The following RNGTT variants were observed in gnomAD, a reference collection of about 807,000 sequenced individuals.
RNGTT encodes RNA guanylyltransferase and 5'-phosphatase.
A neutral mutation model predicts 79.3 loss-of-function variants in RNGTT; 33 were observed. The ratio of observed to expected loss-of-function variants is 0.42; its 90% confidence interval spans 0.32 to 0.56. The LOEUF is 0.56. Ranked by LOEUF, RNGTT falls within the 20% of genes least tolerant of loss-of-function variation. The pLI is 0.17. For missense variants in RNGTT, 497 were observed against 739.1 expected (o/e 0.67, Z 3.80); for synonymous variants, 222 against 235.9 (o/e 0.94, Z 0.54).
At chr6:88,801,765 G>A (rs1779791393) in intron 11 of RNGTT, 133 bp from the exon 12 acceptor site, 9 of 441,676 alleles carry the variant, frequency 2.0e-5, no homozygotes, top group African/African-American at 2.1e-5. Flanking sequence ...TAAGAGAAAG[G>A]GATAGGTCTA....
chr6:88,886,091 G>A (rs749916007), intron 8 of RNGTT, among the ~76,000 whole-genome samples: 67 of 152,268 alleles, frequency 4.4e-4, no homozygotes, highest in Non-Finnish European at 5.4e-4. Flanking sequence ...GGATCACGAC[G>A]TCAGGAGATC....
chr6:88,898,803 T>C (rs761280197), intron 6 of RNGTT, among the ~76,000 whole-genome samples: 9 of 150,728 alleles, frequency 6.0e-5, no homozygotes, highest in Non-Finnish European at 7.4e-5. Context: ...GGCTTGGGAA[T>C]GAAGAAATAT....
intron 8 of RNGTT, among the ~76,000 whole-genome samples, chr6:88,877,661 A>C (rs1782559841): frequency 6.6e-6 from 1 of 152,152 alleles, no homozygotes; most frequent in African/African-American, 2.4e-5. Context: ...ATATAGGGGG[A>C]CTTAAAGAAA....
intron 11 of RNGTT, among the ~76,000 whole-genome samples, chr6:88,813,593 T>C (rs1313971366): frequency 2.6e-5 from 4 of 152,196 alleles, no homozygotes; most frequent in Admixed American, 6.5e-5. Context: ...AATTACCATA[T>C]ACAGTAGGGA....
intron 4 of RNGTT, among the ~76,000 whole-genome samples, chr6:88,919,664 TA>T (rs1232828006): frequency 6.8e-6 from 1 of 147,830 alleles, no homozygotes; most frequent in Non-Finnish European, 1.5e-5. Flanking sequence ...TTTTTAATGC[TA>T]AAAATCCTAA....
chr6:88,736,652 G>A (rs1777296655), intron 13 of RNGTT, among the ~76,000 whole-genome samples: 1 of 152,202 alleles, frequency 6.6e-6, no homozygotes, highest in Non-Finnish European at 1.5e-5. Flanking sequence ...AATTCTGTCT[G>A]TTCATATTTC....
At chr6:88,804,246 A>G (rs967004752) in intron 11 of RNGTT, among the ~76,000 whole-genome samples, 10 of 152,230 alleles carry the variant, frequency 6.6e-5, no homozygotes, top group Admixed American at 3.3e-4. Flanking sequence ...ACTTTAACTA[A>G]AAATAAAGAG....
chr6:88,895,611 C>T (rs1783218993), intron 6 of RNGTT, among the ~76,000 whole-genome samples: 1 of 152,086 alleles, frequency 6.6e-6, no homozygotes, highest in Non-Finnish European at 1.5e-5. Context: ...AAAATAAAGT[C>T]TCAAACCAAA....
intron 11 of RNGTT, among the ~76,000 whole-genome samples, chr6:88,819,321 T>C (rs1211515081): frequency 1.3e-5 from 2 of 151,810 alleles, no homozygotes; most frequent in Non-Finnish European, 2.9e-5. Flanking sequence ...CACTCACAGA[T>C]ACAGTAACAG....
At chr6:88,926,685 C>G (rs1784329256) in intron 4 of RNGTT, among the ~76,000 whole-genome samples, 1 of 152,078 alleles carries the variant, frequency 6.6e-6, no homozygotes, top group African/African-American at 2.4e-5. Flanking sequence ...GGATATAATC[C>G]ACACTCTAGC....
intron 13 of RNGTT, among the ~76,000 whole-genome samples, chr6:88,717,006 A>G (rs888331702): frequency 6.6e-6 from 1 of 152,176 alleles, no homozygotes; most frequent in African/African-American, 2.4e-5. Context: ...CCATTTGTGA[A>G]AAGATCACCT....
intron 14 of RNGTT, among the ~76,000 whole-genome samples, chr6:88,660,899 A>G (rs1001044477): frequency 1.4e-4 from 21 of 152,360 alleles, no homozygotes; most frequent in East Asian, 5.8e-4. Context: ...ATTCTCCAAG[A>G]CAGACCATAA....
chr6:88,771,346 TATATACACAC>T (rs1432598189), intron 12 of RNGTT, among the ~76,000 whole-genome samples: 17 of 131,492 alleles, frequency 1.3e-4, no homozygotes, highest in African/African-American at 5.2e-4. Flanking sequence ...TATATATATA[TATATACACAC>T]ACACACACAC....
rs149827451 is a variant in RNGTT, at chr6:88,840,414, C to T, written c.1269+3943G>A. 3.3e-3 allele frequency among the ~76,000 whole-genome samples: 500 copies of T among 152,242 alleles called. 2 individuals carry two copies. The highest frequency in any genetic ancestry group is 6.8e-3 in the Middle Eastern group (2 of 294). ...AATTGCTTTTATTATTTATTTATTT[C>T]GAGACAGTGTCCCACTCCGCCACCC... On this transcript the variant is annotated intron_variant, in intron 11 of 15. Coordinates refer to ENST00000369485, the MANE Select transcript of RNGTT (RefSeq NM_003800.5).
At chr6:88,910,629 A>G (rs945001301) in intron 4 of RNGTT, among the ~76,000 whole-genome samples, 6 of 152,236 alleles carry the variant, frequency 3.9e-5, no homozygotes, top group Admixed American at 3.3e-4. Context: ...ATGCTAATAT[A>G]AGAAACTCAG....
At chr6:88,918,264 A>C (rs1378980052) in intron 4 of RNGTT, among the ~76,000 whole-genome samples, 4 of 152,170 alleles carry the variant, frequency 2.6e-5, no homozygotes. Context: ...TCGAGGATGC[A>C]GTGAGCTATG....
At chr6:88,711,678 G>A (rs1170717817) in intron 13 of RNGTT, among the ~76,000 whole-genome samples, 2 of 152,170 alleles carry the variant, frequency 1.3e-5, no homozygotes, top group African/African-American at 4.8e-5. Context: ...CCGCTAAGGA[G>A]TTTAAGAATT....
chr6:88,698,246 GAAAT>G (rs1725188918), intron 13 of RNGTT, among the ~76,000 whole-genome samples: 1 of 86,088 alleles, frequency 1.2e-5, no homozygotes, highest in Non-Finnish European at 1.8e-5. Flanking sequence ...ATATATATAT[GAAAT>G]ATATATATAA....
intron 13 of RNGTT, among the ~76,000 whole-genome samples, chr6:88,749,392 TAG>T (rs1279013681): frequency 6.6e-6 from 1 of 152,014 alleles, no homozygotes; most frequent in African/African-American, 2.4e-5. Flanking sequence ...TTTAAAGAGT[TAG>T]ATGTGCGTGC....
Sources: allele counts gnomAD v4.1 joint callset (sites outside exome capture counted in the v4.1 genomes callset), GRCh38; gene constraint gnomAD v4.1.1; transcripts MANE v1.5; gene names NCBI Gene and HGNC (gene_info 2026-07-23, HGNC 2026-07-21).